GPR141: variants seen among roughly 807,000 people sequenced by gnomAD.
GPR141 encodes G protein-coupled receptor 141.
In GPR141, 6 loss-of-function variants were observed where a neutral mutation model predicts 6.8. That is an observed-to-expected ratio of 0.88 (90% CI 0.48 to 1.74). The LOEUF (loss-of-function observed/expected upper bound fraction) is 1.74. GPR141 is among the 40% of genes most tolerant of loss of function. GPR141 has a pLI of 0.01. For synonymous variants in GPR141, 140 were observed against 142.3 expected, an observed-to-expected ratio of 0.98 and a Z score of 0.11; for missense variants, 372 against 372.9, an observed-to-expected ratio of 1.00 and a Z score of 0.02.
chr7:37,730,048 A>T (rs577856072), intron 2 of GPR141: 7 of 152,378 alleles, frequency 4.6e-5, no homozygotes, highest in African/African-American at 1.7e-4. Flanking sequence ...GGTCAGTTCA[A>T]TGCCTAAGTA....
At chr7:37,732,891 T>C (rs1292768992) in intron 2 of GPR141, among the ~76,000 whole-genome samples, 1 of 152,158 alleles carries the variant, frequency 6.6e-6, no homozygotes, top group African/African-American at 2.4e-5. Flanking sequence ...GAGGTGGAGA[T>C]GTAGTCACAG....
chr7:37,690,833 C>T (rs1020362983), intron 2 of GPR141, among the ~76,000 whole-genome samples: 1 of 151,420 alleles, frequency 6.6e-6, no homozygotes, highest in Non-Finnish European at 1.5e-5. Flanking sequence ...AGGTATATTT[C>T]ATCCAAAGTG....
At chr7:37,703,196 G>A (rs549065594) in intron 2 of GPR141, among the ~76,000 whole-genome samples, 9 of 152,162 alleles carry the variant, frequency 5.9e-5, no homozygotes, top group East Asian at 1.9e-4. Context: ...GATAGTAGTC[G>A]ACTGTCTTCC....
chr7:37,707,541 A>G (rs151257023), intron 2 of GPR141, among the ~76,000 whole-genome samples: 19 of 152,346 alleles, frequency 1.2e-4, no homozygotes, highest in African/African-American at 4.1e-4. Flanking sequence ...GCATTTATCA[A>G]GTGTACACTC....
At chr7:37,702,430 G>A (rs1300345172) in intron 2 of GPR141, among the ~76,000 whole-genome samples, 2 of 134,928 alleles carry the variant, frequency 1.5e-5, no homozygotes, top group Non-Finnish European at 3.2e-5. Flanking sequence ...TCTTCACTTC[G>A]TTTTTTTACC....
chr7:37,732,877 G>A (rs891545420), intron 2 of GPR141, among the ~76,000 whole-genome samples: 3 of 152,210 alleles, frequency 2.0e-5, no homozygotes, highest in African/African-American at 4.8e-5. Context: ...TTATTACAAA[G>A]CTTGAGGTGG....
intron 2 of GPR141, among the ~76,000 whole-genome samples, chr7:37,729,184 C>G (rs1811791160): frequency 6.6e-6 from 1 of 152,104 alleles, no homozygotes; most frequent in African/African-American, 2.4e-5. Context: ...AGAGTTTTTT[C>G]TTTTCTCTAA....
At chr7:37,715,491 A>G (rs1014037708) in intron 2 of GPR141, among the ~76,000 whole-genome samples, 1 of 152,158 alleles carries the variant, frequency 6.6e-6, no homozygotes, top group East Asian at 1.9e-4. Flanking sequence ...AGGAAAAGGA[A>G]AGGAAACATG....
In GPR141 at chr7:37,742,852, A is replaced by C. The variant is rs923652661; in HGVS notation, c.*1541A>C. On this transcript the variant is annotated 3_prime_UTR_variant, in exon 3 of 3. Coordinates refer to ENST00000334425, the MANE Select transcript of GPR141 (RefSeq NM_001381946.1). ...GCACATGTACCCCTGAACTTAAAAT[A>C]AAATTTAAAGTAATAATAATAAAAT... is the stretch of plus-strand genomic sequence containing the variant. 6.6e-6 allele frequency among the ~76,000 whole-genome samples: 1 copy of C among 152,226 alleles called. No individual in the cohort carries two copies. Among genetic ancestry groups the C allele is most frequent in the African/African-American group, 2.4e-5 (1 of 41,470 alleles).
intron 2 of GPR141, among the ~76,000 whole-genome samples, chr7:37,698,279 T>C (rs1810116217): frequency 1.3e-5 from 2 of 152,154 alleles, no homozygotes; most frequent in Admixed American, 6.5e-5. Context: ...GTGTGAAAAA[T>C]GCCTAGGACA....
intron 2 of GPR141, among the ~76,000 whole-genome samples, chr7:37,735,509 G>A (rs1036721075): frequency 6.6e-6 from 1 of 152,132 alleles, no homozygotes; most frequent in Non-Finnish European, 1.5e-5. Context: ...TACAAAGGGG[G>A]CTAAGGAGAC....
At chr7:37,698,481 T>C (rs1810127435) in intron 2 of GPR141, among the ~76,000 whole-genome samples, 1 of 152,050 alleles carries the variant, frequency 6.6e-6, no homozygotes, top group African/African-American at 2.4e-5. Flanking sequence ...ACACACGCCA[T>C]GGGGAATCTT....
At chr7:37,708,483 G>A (rs1448682003) in intron 2 of GPR141, among the ~76,000 whole-genome samples, 1 of 152,158 alleles carries the variant, frequency 6.6e-6, no homozygotes, top group African/African-American at 2.4e-5. Flanking sequence ...GCCATGTTCA[G>A]AGAGTGGTGA....
chr7:37,705,451 C>T (rs866899283), intron 2 of GPR141, among the ~76,000 whole-genome samples: 10 of 152,142 alleles, frequency 6.6e-5, no homozygotes, highest in East Asian at 1.9e-4. Flanking sequence ...CTGGGGACTG[C>T]GATATATCAG....
At chr7:37,734,137 C>T (rs1271071821) in intron 2 of GPR141, among the ~76,000 whole-genome samples, 1 of 152,098 alleles carries the variant, frequency 6.6e-6, no homozygotes, top group Non-Finnish European at 1.5e-5. Flanking sequence ...GATGCCACTG[C>T]ACTCCAGCCT....
Position 37,740,423 on chromosome 7 carries a change from C to T in GPR141, c.30C>T (p.Ser10=), listed in dbSNP as rs771291745. 2.5e-6 allele frequency: 4 copies of T among 1,605,118 alleles called. No individual in the cohort carries two copies. The East Asian group carries it at 9.0e-5, about 36-fold the overall frequency. MPGHNTSRN[S]SCDPIVTPHL... ...CTGGCCACAATACCTCCAGGAATTC[C>T]TCTTGCGATCCTATAGTGACACCCC... Residue 10 remains serine, a synonymous_variant, in exon 3 of 3, where the codon TCC becomes TCT. Coordinates refer to ENST00000334425, the MANE Select transcript of GPR141 (RefSeq NM_001381946.1).
At position 37,742,244 on chromosome 7, in the gene GPR141, A is replaced by T. The variant is rs187849445; in HGVS notation, c.*933A>T. Among the ~76,000 whole-genome samples, 482 of 151,470 alleles carry T rather than the reference A, an allele frequency of 3.2e-3. 15 individuals are homozygous for T. The East Asian group carries it at 0.057, about 18-fold the overall frequency. On this transcript the variant is annotated 3_prime_UTR_variant, in exon 3 of 3. Coordinates refer to ENST00000334425, the MANE Select transcript of GPR141 (RefSeq NM_001381946.1). ...AGAGCTCCCTTCCGCCGTTAAAATTATATATATATATATTTAAATTATACC... is the reference window on the plus strand; with the variant it reads ...AGAGCTCCCTTCCGCCGTTAAAATTTTATATATATATATTTAAATTATACC...
chr7:37,685,444 CT>C lies in GPR141; in HGVS notation c.-138-15del, dbSNP rs1809461097. 7.1e-6 allele frequency: 1 copy of C among 139,940 alleles called. No homozygotes were observed. Among genetic ancestry groups the C allele is most frequent in the Non-Finnish European group, 1.6e-5 (1 of 64,254 alleles). 8.7% of individuals were successfully genotyped at this position (139,940 alleles called of 1,614,324 possible). A position where few individuals can be genotyped will look rare whatever the true frequency, so the allele number is the denominator to read the frequency against. On this transcript the variant is annotated splice_polypyrimidine_tract_variant and intron_variant, in intron 1 of 2. Transcript: ENST00000334425. ...TCCCTCCATCTCTCTCTCTCTTTCT[CT>C]CTTTCTTTCTTCAGGGCCTTTCTCT... is the stretch of plus-strand genomic sequence containing the variant.
rs529556980 is a variant in GPR141, at chr7:37,724,279, T to C, written c.-14-16101T>C. ...AGATCTAACTTTACTTGAAACTGCC[T>C]AAAAAATATATATATACATTTTTTT... On this transcript the variant is annotated intron_variant, in intron 2 of 2. Coordinates refer to ENST00000334425, the MANE Select transcript of GPR141 (RefSeq NM_001381946.1). Among the ~76,000 whole-genome samples, 11 of 152,158 alleles carry C rather than the reference T, an allele frequency of 7.2e-5. No homozygotes were observed. The South Asian group carries it at 2.1e-3, about 29-fold the overall frequency.
Sources: gnomAD v4.1 joint callset for allele counts (sites outside exome capture counted in the v4.1 genomes callset) on GRCh38, gnomAD v4.1.1 for gene constraint, MANE v1.5 for transcripts, NCBI Gene and HGNC (gene_info 2026-07-23, HGNC 2026-07-21) for gene names.